IFTAP: variants seen among roughly 807,000 people sequenced by gnomAD.
IFTAP encodes intraflagellar transport-associated protein.
A neutral mutation model predicts 19.4 loss-of-function variants in IFTAP; 19 were observed. The ratio of observed to expected loss-of-function variants is 0.98; its 90% CI spans 0.68 to 1.44. The LOEUF (loss-of-function observed/expected upper bound fraction) is 1.44. IFTAP is among the 40% of genes most tolerant of loss of function. The pLI, the probability that IFTAP is intolerant of heterozygous loss-of-function variation, is 0.00. For missense variants in IFTAP, 240 were observed against 253.6 expected, an observed-to-expected ratio of 0.95 and a Z score of 0.36; for synonymous variants, 85 against 83.5, an observed-to-expected ratio of 1.02 and a Z score of -0.10.
intron 4 of IFTAP, among the ~76,000 whole-genome samples, chr11:36,641,578 G>A (rs1457588659): frequency 6.6e-6 from 1 of 152,192 alleles, no homozygotes; most frequent in Non-Finnish European, 1.5e-5. Context: ...ATGTAGTTGA[G>A]CGGTTTTGAG....
At chr11:36,603,974 C>T (rs535771608) in intron 1 of IFTAP, among the ~76,000 whole-genome samples, 11 of 151,658 alleles carry the variant, frequency 7.3e-5, no homozygotes, top group Non-Finnish European at 1.2e-4. Flanking sequence ...TAGGGAAGGA[C>T]CTAGATCTGT....
At chr11:36,602,137 G>T (rs1851532714) in intron 1 of IFTAP, among the ~76,000 whole-genome samples, 1 of 152,130 alleles carries the variant, frequency 6.6e-6, no homozygotes, top group Admixed American at 6.5e-5. Context: ...ACAGTCTTAG[G>T]AATTTATAAT....
At chr11:36,652,205 G>T (rs1301368820) in intron 5 of IFTAP, among the ~76,000 whole-genome samples, 3 of 152,144 alleles carry the variant, frequency 2.0e-5, no homozygotes, top group East Asian at 1.9e-4. Context: ...TCTTCCATTT[G>T]TTTGTGTTCT....
At chr11:36,616,628 A>T (rs1051469991) in intron 2 of IFTAP, among the ~76,000 whole-genome samples, 1 of 151,954 alleles carries the variant, frequency 6.6e-6, no homozygotes, top group African/African-American at 2.4e-5. Flanking sequence ...TTGTATAATC[A>T]TGAGATTAAT....
chr11:36,614,745 C>T (rs964676464), intron 2 of IFTAP, among the ~76,000 whole-genome samples: 18 of 148,728 alleles, frequency 1.2e-4, no homozygotes, highest in South Asian at 1.1e-3. Context: ...TCATGTCCTT[C>T]GCCCACTTTT....
At chr11:36,607,059 A>G (rs111272890) in intron 1 of IFTAP, among the ~76,000 whole-genome samples, 6,225 of 152,246 alleles carry the variant, frequency 0.041, 412 homozygotes, top group African/African-American at 0.14. Context: ...TTTTAAGTTG[A>G]TACCCAGCTA....
At chr11:36,605,508 A>T (rs948840405) in intron 1 of IFTAP, among the ~76,000 whole-genome samples, 1 of 152,188 alleles carries the variant, frequency 6.6e-6, no homozygotes, top group Non-Finnish European at 1.5e-5. Flanking sequence ...TTTCATAATA[A>T]TGTTCTTTCA....
intron 1 of IFTAP, among the ~76,000 whole-genome samples, chr11:36,604,685 C>T (rs72941556): frequency 0.036 from 5,504 of 152,124 alleles, 147 homozygotes; most frequent in Middle Eastern, 0.075. Flanking sequence ...CTGATGGCTT[C>T]AGATACACTT....
chr11:36,596,222 GT>G (rs67282079), intron 1 of IFTAP, among the ~76,000 whole-genome samples: 87 of 118,304 alleles, frequency 7.4e-4, no homozygotes, highest in Non-Finnish European at 1.0e-3. Context: ...TTTTTTTTTT[GT>G]TTTTTTTTTT....
chr11:36,610,358 A>G (rs1355445438), intron 2 of IFTAP, 119 bp downstream of exon 2: 5 of 991,162 alleles, frequency 5.0e-6, no homozygotes, highest in Non-Finnish European at 7.2e-6. Flanking sequence ...TTCGTTTATC[A>G]GGTAATTCTT....
intron 2 of IFTAP, among the ~76,000 whole-genome samples, chr11:36,615,776 G>A (rs1486559374): frequency 6.7e-6 from 1 of 149,686 alleles, no homozygotes; most frequent in Non-Finnish European, 1.5e-5. Context: ...TGTATCCTGA[G>A]ACTTTGCTGA....
rs189616243 is a variant in IFTAP at position 36,635,970 on chromosome 11, G to A, written c.292-81G>A. The stretch of plus-strand genomic sequence containing the variant: ...ATTCAGCTGCTCAGTTAGGTGTTGT[G>A]GAAGTGGATTCGTTGACTTTTCACT... On this transcript the variant is annotated intron_variant, in intron 3 of 5. Transcript: ENST00000334307. 5.7e-6 allele frequency: 5 copies of A among 872,150 alleles called. No homozygotes were observed. In the Admixed American group the frequency reaches 7.8e-5, roughly 14 times the overall value. The allele number at this position is 872,150 out of a possible 1,614,324, so 54.0% of individuals were successfully genotyped here.
At chr11:36,617,047 A>T (rs148172073) in intron 2 of IFTAP, among the ~76,000 whole-genome samples, 1 of 151,514 alleles carries the variant, frequency 6.6e-6, no homozygotes, top group Non-Finnish European at 1.5e-5. Flanking sequence ...TAAAACATAC[A>T]CTGGATTTTG....
intron 2 of IFTAP, among the ~76,000 whole-genome samples, chr11:36,628,905 A>G (rs1253823905): frequency 6.6e-6 from 1 of 151,216 alleles, no homozygotes; most frequent in African/African-American, 2.5e-5. Flanking sequence ...GTTATTCCTG[A>G]CTGGCCAGAC....
chr11:36,633,948 G>C (rs1042955495), intron 3 of IFTAP, among the ~76,000 whole-genome samples: 1 of 152,062 alleles, frequency 6.6e-6, no homozygotes, highest in Non-Finnish European at 1.5e-5. Context: ...AGGAATTATA[G>C]TGGAAACTGT....
Position 36,609,442 on chromosome 11 carries a change from G to A in IFTAP, c.-23-639G>A, listed in dbSNP as rs116321278. ...AAGTTTTTAACAGAGCTGTCCAAAG[G>A]CTTTTTTGGAATGCTCAGAGTTACC... On this transcript the variant is annotated intron_variant, in intron 1 of 5. Coordinates refer to ENST00000334307, the MANE Select transcript of IFTAP (RefSeq NM_138787.4). Among the ~76,000 whole-genome samples the A allele has an allele frequency of 6.3e-3, 953 of 152,250 alleles. 11 individuals are homozygous for A. The highest frequency in any genetic ancestry group is 0.022 in the African/African-American group (922 of 41,540).
At chr11:36,644,255 T>C (rs1853368880) in intron 4 of IFTAP, among the ~76,000 whole-genome samples, 1 of 152,090 alleles carries the variant, frequency 6.6e-6, no homozygotes, top group East Asian at 1.9e-4. Context: ...AAAATGCTCA[T>C]CATCACTGGC....
At chr11:36,650,587 T>C (rs566532829) in intron 5 of IFTAP, among the ~76,000 whole-genome samples, 1 of 151,882 alleles carries the variant, frequency 6.6e-6, no homozygotes. Flanking sequence ...TATTATACTT[T>C]AAGTTCTAGG....
Position 36,647,804 on chromosome 11 carries a change from C to T in IFTAP, c.359-212C>T, listed in dbSNP as rs78111960. ...TTTGGGGGGACTCTTACGTTTGCAACGATAAAATAAAAATAAATGCACTAA... is the reference window on the plus strand; with the variant it reads ...TTTGGGGGGACTCTTACGTTTGCAATGATAAAATAAAAATAAATGCACTAA... On this transcript the variant is annotated intron_variant, in intron 4 of 5. Coordinates refer to ENST00000334307, the MANE Select transcript of IFTAP (RefSeq NM_138787.4). 1.4e-3 allele frequency among the ~76,000 whole-genome samples: 220 copies of T among 151,982 alleles called. 3 individuals carry two copies. The East Asian group carries it at 0.037, about 25-fold the overall frequency.
Sources: gnomAD v4.1 joint callset for allele counts (sites outside exome capture counted in the v4.1 genomes callset) on GRCh38, gnomAD v4.1.1 for gene constraint, MANE v1.5 for transcripts, NCBI Gene and HGNC (gene_info 2026-07-23, HGNC 2026-07-21) for gene names.